Variants in MCCC1 observed in about 807,000 individuals in gnomAD.
MCCC1 encodes methylcrotonoyl-CoA carboxylase subunit alpha, mitochondrial.
In MCCC1, 64 loss-of-function variants were observed where a neutral mutation model predicts 83.8. The observed-to-expected ratio is 0.76, with a 90% CI of 0.62 to 0.94. MCCC1 has a LOEUF of 0.94. Among genes scored for constraint, MCCC1 ranks in the 40% least tolerant of loss-of-function variants. The pLI is 0.00. For missense variants in MCCC1, 807 were observed against 904.7 expected (o/e 0.89, Z 1.39); for synonymous variants, 322 against 315.4 (o/e 1.02, Z -0.22).
At chr3:183,105,059 T>G in intron 1 of MCCC1, among the ~76,000 whole-genome samples, 1 of 152,192 alleles carries the variant, frequency 6.6e-6, no homozygotes, top group East Asian at 1.9e-4. Flanking sequence ...ATAATGTACA[T>G]GCAGGCCGGG....
intron 9 of MCCC1, among the ~76,000 whole-genome samples, chr3:183,051,705 T>G (rs1181927977): frequency 6.6e-6 from 1 of 150,644 alleles, no homozygotes; most frequent in Non-Finnish European, 1.5e-5. Flanking sequence ...GGTCGCTGAC[T>G]GTAACAAACG....
At chr3:183,071,478 T>A in intron 5 of MCCC1, 121 bp from the exon 6 acceptor site, 1 of 1,399,280 alleles carries the variant, frequency 7.1e-7, no homozygotes, top group Non-Finnish European at 1.0e-6. Context: ...ACATCGAGTC[T>A]GAGACGACAA....
intron 13 of MCCC1, among the ~76,000 whole-genome samples, chr3:183,036,906 C>A (rs10937110): frequency 0.93 from 142,080 of 152,046 alleles, 66,424 homozygotes; most frequent in East Asian, 1. Context: ...ATCTCCTGAC[C>A]TCATGATCCA....
At chr3:183,089,591 C>G (rs1200126821) in intron 3 of MCCC1, among the ~76,000 whole-genome samples, 5 of 151,782 alleles carry the variant, frequency 3.3e-5, no homozygotes, top group Non-Finnish European at 5.9e-5. Context: ...TCCAGCCTAG[C>G]TGACAGAGTG....
At chr3:183,055,379 C>T (rs757314622) in intron 8 of MCCC1, among the ~76,000 whole-genome samples, 13 of 151,974 alleles carry the variant, frequency 8.6e-5, no homozygotes, top group Non-Finnish European at 1.5e-4. Flanking sequence ...CACTGCACTC[C>T]GGCCTGGGTG....
intron 10 of MCCC1, among the ~76,000 whole-genome samples, chr3:183,044,445 G>T (rs748577719): frequency 6.6e-5 from 10 of 152,154 alleles, no homozygotes; most frequent in Admixed American, 2.0e-4. Context: ...ATGCCAAAAT[G>T]CTTTAAAAGT....
chr3:183,078,770 A>G (rs1484514405), intron 4 of MCCC1, among the ~76,000 whole-genome samples: 2 of 152,294 alleles, frequency 1.3e-5, no homozygotes, highest in East Asian at 1.9e-4. Flanking sequence ...GTCTGTTTTC[A>G]CACTGCTGAT....
intron 1 of MCCC1, among the ~76,000 whole-genome samples, chr3:183,107,584 C>A (rs1397092329): frequency 6.6e-6 from 1 of 151,256 alleles, no homozygotes; most frequent in Non-Finnish European, 1.5e-5. Context: ...ACTCTGTCAC[C>A]CAGGCTGGAG....
chr3:183,021,854 T>A (rs1281784164), intron 16 of MCCC1, among the ~76,000 whole-genome samples: 2 of 152,226 alleles, frequency 1.3e-5, no homozygotes, highest in African/African-American at 4.8e-5. Flanking sequence ...ATCCTCTTTC[T>A]GCCCAGGCCG....
intron 14 of MCCC1, among the ~76,000 whole-genome samples, chr3:183,030,069 A>T (rs956616794): frequency 3.9e-5 from 6 of 152,184 alleles, no homozygotes; most frequent in Non-Finnish European, 8.8e-5. Flanking sequence ...GTACTTTGGG[A>T]GGCCGAGGTG....
intron 17 of MCCC1, among the ~76,000 whole-genome samples, chr3:183,018,072 C>T (rs1395987854): frequency 1.3e-5 from 2 of 152,172 alleles, no homozygotes; most frequent in South Asian, 2.1e-4. Context: ...CAGAGGCCTA[C>T]AGCCCAAATG....
Position 183,041,550 on chromosome 3 carries a change from A to G in MCCC1, c.1267+17T>C. The G allele has an allele frequency of 6.2e-7, 1 of 1,613,824 alleles. No individual in the cohort carries two copies. Reference sequence around the variant, plus strand: ...AAACTTAAAAAGAGTGAGACTTTTCATTTTCTTTCACTTTACCTTGCCGTA... The same window carrying G: ...AAACTTAAAAAGAGTGAGACTTTTCGTTTTCTTTCACTTTACCTTGCCGTA... On this transcript the variant is annotated intron_variant, in intron 11 of 18. Transcript: ENST00000265594.
chr3:183,071,612 A>C (rs1716698479), intron 5 of MCCC1, among the ~76,000 whole-genome samples: 1 of 152,188 alleles, frequency 6.6e-6, no homozygotes, highest in Non-Finnish European at 1.5e-5. Context: ...ATTTTCTGTA[A>C]CTCAATAGAA....
chr3:183,082,120 C>G (rs1246773086), intron 4 of MCCC1, among the ~76,000 whole-genome samples: 1 of 152,234 alleles, frequency 6.6e-6, no homozygotes, highest in African/African-American at 2.4e-5. Context: ...TTCTGCTCAT[C>G]CACACACTCT....
intron 13 of MCCC1, among the ~76,000 whole-genome samples, chr3:183,036,109 A>G (rs953545978): frequency 3.3e-5 from 5 of 152,000 alleles, no homozygotes; most frequent in Admixed American, 3.3e-4. Context: ...CTAATGGAGA[A>G]CTGACTGAAA....
chr3:183,052,563 C>G (rs1332077629), intron 8 of MCCC1, among the ~76,000 whole-genome samples: 8 of 152,104 alleles, frequency 5.3e-5, no homozygotes, highest in African/African-American at 1.9e-4. Context: ...AATCCCAGCA[C>G]TTTGGGAGGC....
intron 5 of MCCC1, 151 bp from the exon 6 acceptor site, chr3:183,071,508 G>A: frequency 1.7e-6 from 2 of 1,169,386 alleles, no homozygotes; most frequent in East Asian, 2.5e-5. Flanking sequence ...AATTTAATAT[G>A]TCTATTAGTT....
At chr3:183,040,582 G>A (rs1713998585) in intron 11 of MCCC1, among the ~76,000 whole-genome samples, 1 of 145,752 alleles carries the variant, frequency 6.9e-6, no homozygotes, top group African/African-American at 2.6e-5. Flanking sequence ...AATTAGCTAG[G>A]CATGGTGGTA....
At chr3:183,038,585 T>A (rs946268556) in intron 12 of MCCC1, among the ~76,000 whole-genome samples, 1 of 152,190 alleles carries the variant, frequency 6.6e-6, no homozygotes, top group Non-Finnish European at 1.5e-5. Flanking sequence ...ATTAAAGGGA[T>A]GAAACTGAAC....
Sources: allele counts gnomAD v4.1 joint callset (sites outside exome capture counted in the v4.1 genomes callset), GRCh38; gene constraint gnomAD v4.1.1; transcripts MANE v1.5; gene names NCBI Gene and HGNC (gene_info 2026-07-23, HGNC 2026-07-21).